BID: variants seen among roughly 807,000 people sequenced by gnomAD.
BID encodes BH3-interacting domain death agonist.
BID carries 19 observed loss-of-function variants against 17.4 expected under a neutral mutation model. The observed-to-expected ratio is 1.09, with a 90% CI of 0.76 to 1.60. The LOEUF (loss-of-function observed/expected upper bound fraction) is 1.60, where lower values mean the gene tolerates loss of function less well. BID is among the 40% of genes most tolerant of loss of function. The pLI is 0.00. For synonymous variants in BID, 108 were observed against 102.8 expected (o/e 1.05, Z -0.31); for missense variants, 226 against 256.0 (o/e 0.88, Z 0.80).
intron 5 of BID, 36 bp downstream of exon 5, chr22:17,737,981 G>A: frequency 1.2e-6 from 2 of 1,605,410 alleles, no homozygotes; most frequent in Non-Finnish European, 1.7e-6. Context: ...GGCATGGGCG[G>A]CAGGCAGGGA....
intron 1 of BID, among the ~76,000 whole-genome samples, chr22:17,763,591 C>G (rs185500798): frequency 2.0e-5 from 3 of 152,060 alleles, no homozygotes; most frequent in African/African-American, 7.3e-5. Flanking sequence ...TACAGAGAAC[C>G]GCAGGCTGAC....
intron 5 of BID, among the ~76,000 whole-genome samples, chr22:17,736,198 C>G (rs1293605090): frequency 6.6e-6 from 1 of 152,146 alleles, no homozygotes; most frequent in Non-Finnish European, 1.5e-5. Flanking sequence ...CAGTGGCTCA[C>G]GCCTGTAATC....
At chr22:17,765,975 C>T (rs926112858) in intron 1 of BID, among the ~76,000 whole-genome samples, 5 of 152,216 alleles carry the variant, frequency 3.3e-5, no homozygotes, top group Non-Finnish European at 5.9e-5. Flanking sequence ...GTTCCGCAGG[C>T]CGGACTGCAG....
intron 2 of BID, among the ~76,000 whole-genome samples, chr22:17,746,479 G>T (rs146184702): frequency 7.0e-4 from 106 of 152,306 alleles, no homozygotes; most frequent in African/African-American, 2.4e-3. Context: ...CAGCCGCATG[G>T]CACAAGACAG....
In BID at chr22:17,738,070, C is replaced by CTGT; in HGVS notation, c.520_522dup (p.Thr174dup). ...CGTAGGTTCTGGTTAATAAAATTCA[C>CTGT]TGTTGTGTGAAAGACATCACGGAGC... On this transcript the variant is annotated inframe_insertion, in exon 5 of 6. Transcript: ENST00000622694. The CTGT allele has an allele frequency of 6.2e-7, 1 of 1,614,198 alleles. No homozygotes were observed. Among genetic ancestry groups the CTGT allele is most frequent in the Middle Eastern group, 1.7e-4 (1 of 6,052 alleles).
chr22:17,746,362 CT>C (rs2061495232), intron 2 of BID, among the ~76,000 whole-genome samples: 1 of 152,210 alleles, frequency 6.6e-6, no homozygotes, highest in Admixed American at 6.5e-5. Flanking sequence ...AAATAAGGTG[CT>C]TGTGTATTGC....
chr22:17,740,038 T>C, intron 3 of BID: 6 of 1,588,194 alleles, frequency 3.8e-6, no homozygotes, highest in Non-Finnish European at 5.1e-6. Flanking sequence ...CCCTCAGTCC[T>C]CCTCCTCTGG....
chr22:17,767,510 T>C (rs188776104), intron 1 of BID, among the ~76,000 whole-genome samples: 31 of 152,304 alleles, frequency 2.0e-4, no homozygotes, highest in African/African-American at 7.0e-4. Flanking sequence ...AGAGGTATCC[T>C]TCCCGGTGGA....
At position 17,752,102 on chromosome 22, in the gene BID, G is replaced by A. The variant is rs75112407; in HGVS notation, c.-58-1928C>T. Among the ~76,000 whole-genome samples the A allele has an allele frequency of 6.8e-3, 1,041 of 152,248 alleles. 10 individuals carry two copies. Among genetic ancestry groups the A allele is most frequent in the African/African-American group, 0.024 (993 of 41,538 alleles). On this transcript the variant is annotated intron_variant, in intron 1 of 5. Coordinates refer to ENST00000622694, the MANE Select transcript of BID (RefSeq NM_001196.4). ...AGTGCCCACTGTCACCTCTGAGCTC[G>A]GGAGGCAGCTCACAAAAACCAGCTT...
chr22:17,773,161 G>A lies in BID; in HGVS notation c.-59+1220C>T, dbSNP rs1299551492. Among the ~76,000 whole-genome samples, 1 of 152,112 alleles carries A rather than the reference G, an allele frequency of 6.6e-6. No homozygotes were observed. Among genetic ancestry groups the A allele is most frequent in the African/African-American group, 2.4e-5 (1 of 41,420 alleles). ...GGGCAAGAGGGGCAGAAGGGGCAGG[G>A]ACGCACACCCTGGGCCGCAGGCAGA... On this transcript the variant is annotated intron_variant, in intron 1 of 5. Transcript: ENST00000622694. The surrounding 1 kb of genome is among the most constrained non-coding windows in gnomAD (Gnocchi z 4.4).
At chr22:17,743,541 G>A (rs1219511346) in intron 3 of BID, among the ~76,000 whole-genome samples, 1 of 152,232 alleles carries the variant, frequency 6.6e-6, no homozygotes, top group Non-Finnish European at 1.5e-5. Context: ...AGGGACTCAA[G>A]ACCAGTACAT....
chr22:17,758,170 T>C (rs148614780), intron 1 of BID, among the ~76,000 whole-genome samples: 17 of 152,312 alleles, frequency 1.1e-4, no homozygotes, highest in African/African-American at 3.8e-4. Context: ...TCAAAGAGCT[T>C]AAGTTCCCCA....
In BID at chr22:17,769,223, C is replaced by T. The variant is rs960452322; in HGVS notation, c.-59+5158G>A. ...AATGCCACCCAGCCCCTGGCAGAAA[C>T]GCCTCCCCTCTCCTATGGAGGGGCT... On this transcript the variant is annotated intron_variant, in intron 1 of 5. Coordinates refer to ENST00000622694, the MANE Select transcript of BID (RefSeq NM_001196.4). The surrounding 1 kb of genome is among the most constrained non-coding windows in gnomAD (Gnocchi z 4.8). Among the ~76,000 whole-genome samples, 3 of 152,198 alleles carry T rather than the reference C, an allele frequency of 2.0e-5. No individual in the cohort carries two copies. The highest frequency in any genetic ancestry group is 6.5e-5 in the Admixed American group (1 of 15,268).
intron 2 of BID, among the ~76,000 whole-genome samples, chr22:17,746,125 A>T (rs941836007): frequency 6.6e-6 from 1 of 152,136 alleles, no homozygotes; most frequent in Non-Finnish European, 1.5e-5. Flanking sequence ...CAGAAACAGA[A>T]AATCAAATAC....
At chr22:17,754,628 CAGA>C (rs1032729265) in intron 1 of BID, among the ~76,000 whole-genome samples, 9 of 152,256 alleles carry the variant, frequency 5.9e-5, no homozygotes, top group African/African-American at 1.9e-4. Flanking sequence ...CAGGTGCTCC[CAGA>C]AGAAGATTTT....
rs998787243 is a variant in BID at position 17,744,669 on chromosome 22, G to A, written c.13-656C>T. Among the ~76,000 whole-genome samples the A allele has an allele frequency of 3.3e-5, 5 of 152,290 alleles. 1 individual carries two copies. The highest frequency in any genetic ancestry group is 3.9e-4 in the East Asian group (2 of 5,168). Reference sequence around the variant, plus strand: ...ACCCAGAGGGGCTGGGCTCTTGGCCGGCAGCTCTCCAGCTCCCTGGGCAGC... The same window carrying A: ...ACCCAGAGGGGCTGGGCTCTTGGCCAGCAGCTCTCCAGCTCCCTGGGCAGC... On this transcript the variant is annotated intron_variant, in intron 2 of 5. Transcript: ENST00000622694.
Position 17,773,036 on chromosome 22 carries a change from C to T in BID, c.-59+1345G>A, listed in dbSNP as rs886187879. Among the ~76,000 whole-genome samples, 1 of 152,182 alleles carries T rather than the reference C, an allele frequency of 6.6e-6. No homozygotes were observed. The highest frequency in any genetic ancestry group is 2.4e-5 in the African/African-American group (1 of 41,438). ...CACTCTCACATCTCATGAACAGAGA[C>T]ACGAGCTGCTTCCTCATGCTCCCTG... is the stretch of plus-strand genomic sequence containing the variant. On this transcript the variant is annotated intron_variant, in intron 1 of 5. Transcript: ENST00000622694. The surrounding 1 kb of genome is among the most constrained non-coding windows in gnomAD (Gnocchi z 4.4).
chr22:17,761,463 G>A (rs1190596064), intron 1 of BID, among the ~76,000 whole-genome samples: 5 of 131,000 alleles, frequency 3.8e-5, no homozygotes, highest in South Asian at 2.3e-4. Context: ...ATGAAGTCTC[G>A]CTCTGTCGCC....
In BID at chr22:17,735,284, C is replaced by T; in HGVS notation, c.*296G>A. ...AATTTAATTTTTAAGTGGGAACCTG[C>T]ACAGTGGAAATAAAGGCACCGTGTG... On this transcript the variant is annotated 3_prime_UTR_variant, in exon 6 of 6. Transcript: ENST00000622694. 2.4e-6 allele frequency: 1 copy of T among 412,870 alleles called. No homozygotes were observed. Among genetic ancestry groups the T allele is most frequent in the Non-Finnish European group, 4.3e-6 (1 of 229,968 alleles). The allele number at this position is 412,870 out of a possible 1,614,324, so 25.6% of individuals were successfully genotyped here. A position where few individuals can be genotyped will look rare whatever the true frequency, so the allele number is the denominator to read the frequency against.
Sources: allele counts gnomAD v4.1 joint callset (sites outside exome capture counted in the v4.1 genomes callset), GRCh38; gene constraint gnomAD v4.1.1; non-coding constraint Gnocchi (gnomAD v3.1); transcripts MANE v1.5; gene names NCBI Gene and HGNC (gene_info 2026-07-23, HGNC 2026-07-21).